Variants in ANKRD30A observed in about 807,000 individuals in gnomAD.
ANKRD30A encodes ankyrin repeat domain-containing protein 30A.
In ANKRD30A, 170 loss-of-function variants were observed where a neutral mutation model predicts 166.3. That is an observed-to-expected ratio of 1.02 (90% CI 0.90 to 1.16). The LOEUF is 1.16. Among genes scored for constraint, ANKRD30A ranks in the 50% most tolerant of loss-of-function variants. The pLI is 0.00. For synonymous variants in ANKRD30A, 564 were observed against 508.9 expected, an observed-to-expected ratio of 1.11 and a Z score of -1.46; for missense variants, 1,630 against 1,518.0, an observed-to-expected ratio of 1.07 and a Z score of -1.23.
Position 37,231,677 on chromosome 10 carries a change from C to A in ANKRD30A, c.*208C>A. ...ATAACAGTGTGAAGAATTACTTGTT[C>A]ACGGTTAGTTATATTATCTGTCTTC... On this transcript the variant is annotated 3_prime_UTR_variant, in exon 35 of 36. Transcript: ENST00000361713. 1 of 369,614 alleles carries A rather than the reference C, an allele frequency of 2.7e-6. No individual in the cohort carries two copies. Among genetic ancestry groups the A allele is most frequent in the Non-Finnish European group, 5.0e-6 (1 of 201,332 alleles). The allele number at this position is 369,614 out of a possible 1,614,324, so 22.9% of individuals were successfully genotyped here.
intron 1 of ANKRD30A, 45 bp downstream of exon 1, chr10:37,126,053 C>T (rs1487480305): frequency 4.3e-6 from 3 of 695,504 alleles, no homozygotes; most frequent in African/African-American, 1.9e-5. Context: ...GAGGTGGGGG[C>T]GGTGGGAGGA....
chr10:37,136,225 A>C (rs970858546), intron 5 of ANKRD30A, among the ~76,000 whole-genome samples: 20 of 152,192 alleles, frequency 1.3e-4, no homozygotes, highest in African/African-American at 4.8e-4. Context: ...TAGTCTAGTG[A>C]AATAGGGCTC....
chr10:37,128,087 TG>T (rs570107105), intron 1 of ANKRD30A, among the ~76,000 whole-genome samples: 86 of 152,212 alleles, frequency 5.7e-4, no homozygotes, highest in African/African-American at 1.8e-3. Flanking sequence ...TGTTGACATT[TG>T]AAAATGTATT....
Position 37,216,249 on chromosome 10 carries a change from G to A in ANKRD30A, c.2938G>A (p.Asp980Asn). The A allele has an allele frequency of 1.9e-6, 3 of 1,608,200 alleles. No homozygotes were observed. Among genetic ancestry groups the A allele is most frequent in the Non-Finnish European group, 2.6e-6 (3 of 1,176,008 alleles). ...TGAAAGAGCAAGGGAACTTCAAAAA[G>A]ATCACTGTGAACAACGTACAGGAAA... The part of the protein sequence containing the change: ...SCERARELQK[D>N]HCEQRTGKME... The change falls in exon 32 of 36, where the codon GAT (aspartate) becomes AAT (asparagine). Residue 980 changes from aspartate (D) to asparagine (N), a missense_variant. Asp to Asn is a conservative substitution (Grantham distance 23). This residue lies in a region of ANKRD30A where 712 missense variants were observed against 629.3 expected (regional missense o/e 1.13). Transcript: ENST00000361713.
In ANKRD30A at chr10:37,193,237, G is replaced by T. The variant is rs776903662; in HGVS notation, c.2593G>T (p.Asp865Tyr). 1 of 1,611,244 alleles carries T rather than the reference G, an allele frequency of 6.2e-7. No homozygotes were observed. The highest frequency in any genetic ancestry group is 1.1e-5 in the South Asian group (1 of 90,158). Residue 865 changes from aspartate to tyrosine, a missense_variant, in exon 27 of 36, where the codon GAC (aspartate) becomes TAC (tyrosine). By Grantham distance (160) the Asp-to-Tyr change is radical. Transcript: ENST00000361713. Reference protein sequence around the residue: ...SIPTKALELMDMQTFKAEPPE... With the variant: ...SIPTKALELMYMQTFKAEPPE... The stretch of plus-strand genomic sequence containing the variant: ...TCCAACTAAAGCCTTAGAATTGATG[G>T]ACATGCAAACTTTCAAAGCAGGTAA...
the ANKRD30A span, among the ~76,000 whole-genome samples, chr10:37,257,732 G>A: frequency 8.9e-4 from 135 of 152,130 alleles, no homozygotes; most frequent in African/African-American, 3.2e-3. Flanking sequence ...TTAATCCTGA[G>A]TTCTAATTTG....
At position 37,193,068 on chromosome 10, in the gene ANKRD30A, T is replaced by C. The variant is rs2132662269; in HGVS notation, c.2517T>C (p.Ser839=). 6.2e-6 allele frequency: 10 copies of C among 1,610,056 alleles called. No individual in the cohort carries two copies. The highest frequency in any genetic ancestry group is 1.1e-5 in the South Asian group (1 of 90,906). ...IDKINGKLEE[S]PDNDGFLKAP... ...TATATGTCCCTTTTCTTTTAGAGTCTCCTGATAATGATGGTTTTCTGAAGG... is the reference window on the plus strand; with the variant it reads ...TATATGTCCCTTTTCTTTTAGAGTCCCCTGATAATGATGGTTTTCTGAAGG... The change falls in exon 26 of 36, where the codon TCT becomes TCC. Residue 839 remains serine, a synonymous_variant. Transcript: ENST00000361713.
intron 4 of ANKRD30A, among the ~76,000 whole-genome samples, chr10:37,133,366 A>G (rs1836489877): frequency 6.6e-6 from 1 of 152,156 alleles, no homozygotes; most frequent in Non-Finnish European, 1.5e-5. Context: ...AACGTTACTT[A>G]ATACCAAGTA....
intron 34 of ANKRD30A, among the ~76,000 whole-genome samples, chr10:37,225,091 A>G (rs553030482): frequency 1.3e-5 from 2 of 151,234 alleles, no homozygotes; most frequent in East Asian, 3.9e-4. Flanking sequence ...ATCATGGTTC[A>G]AAAACCATGA....
At chr10:37,250,458 T>A in the ANKRD30A span, among the ~76,000 whole-genome samples, 1 of 152,068 alleles carries the variant, frequency 6.6e-6, no homozygotes, top group African/African-American at 2.4e-5. Flanking sequence ...TTTGCCAGAC[T>A]CTGACGAGGG....
chr10:37,154,176 C>G (rs1173794606), intron 13 of ANKRD30A, among the ~76,000 whole-genome samples: 1 of 152,152 alleles, frequency 6.6e-6, no homozygotes, highest in Non-Finnish European at 1.5e-5. Flanking sequence ...GATGGAAGCA[C>G]CTGACCATGG....
At chr10:37,203,276 G>C (rs1209903381) in intron 31 of ANKRD30A, among the ~76,000 whole-genome samples, 1 of 152,138 alleles carries the variant, frequency 6.6e-6, no homozygotes, top group Non-Finnish European at 1.5e-5. Flanking sequence ...ACATCAGAAA[G>C]CTTATCCACC....
chr10:37,243,691 T>G, the ANKRD30A span, among the ~76,000 whole-genome samples: 1 of 152,198 alleles, frequency 6.6e-6, no homozygotes, highest in East Asian at 1.9e-4. Flanking sequence ...AAGAGTGACA[T>G]TCCTATGATG....
At chr10:37,221,546 T>G (rs1000223793) in intron 34 of ANKRD30A, among the ~76,000 whole-genome samples, 2 of 151,368 alleles carry the variant, frequency 1.3e-5, no homozygotes, top group Non-Finnish European at 3.0e-5. Context: ...TTTATGATAC[T>G]AACTTCCATG....
chr10:37,147,597 T>C (rs751118122), intron 9 of ANKRD30A, 140 bp downstream of exon 9: 19 of 522,578 alleles, frequency 3.6e-5, no homozygotes, highest in Non-Finnish European at 5.6e-5. Context: ...TGATAAGTTA[T>C]GTATCTTTTC....
chr10:37,211,241 T>C (rs1842297079), intron 31 of ANKRD30A, among the ~76,000 whole-genome samples: 1 of 152,046 alleles, frequency 6.6e-6, no homozygotes. Context: ...GCTGCACCCA[T>C]TGGCTCATCA....
rs186800483 is a variant in ANKRD30A at position 37,195,549 on chromosome 10, T to C, written c.2615-1732T>C. Among the ~76,000 whole-genome samples, 163 of 152,300 alleles carry C rather than the reference T, an allele frequency of 1.1e-3. 1 individual carries two copies. The highest frequency in any genetic ancestry group is 0.01 in the South Asian group (50 of 4,820). ...ATTTAAAGTATACCTAATATAATTG[T>C]CAACCACATTACTTTAGAAAACATA... On this transcript the variant is annotated intron_variant, in intron 27 of 35. Transcript: ENST00000361713.
At chr10:37,211,976 G>T (rs1216714787) in intron 31 of ANKRD30A, among the ~76,000 whole-genome samples, 2 of 151,520 alleles carry the variant, frequency 1.3e-5, no homozygotes, top group Non-Finnish European at 2.9e-5. Context: ...ATTTTTGATG[G>T]TTCACCACTC....
chr10:37,128,921 A>G (rs912542223), intron 1 of ANKRD30A, among the ~76,000 whole-genome samples: 11 of 152,286 alleles, frequency 7.2e-5, no homozygotes, highest in African/African-American at 2.6e-4. Flanking sequence ...ATCATTGGAA[A>G]TACCTAATTT....
Sources: gnomAD v4.1 joint callset for allele counts (sites outside exome capture counted in the v4.1 genomes callset) on GRCh38, gnomAD v4.1.1 for gene constraint, gnomAD v4.1.1 regional missense constraint, MANE v1.5 for transcripts, NCBI Gene and HGNC (gene_info 2026-07-23, HGNC 2026-07-21) for gene names.